The following ARHGAP26 variants were observed in gnomAD, a reference collection of about 807,000 sequenced individuals.
ARHGAP26 encodes Rho GTPase activating protein 26, also known as rho GTPase-activating protein 26.
In ARHGAP26, 38 loss-of-function variants were observed where a neutral mutation model predicts 104.8. The ratio of observed to expected loss-of-function variants is 0.36; its 90% CI spans 0.28 to 0.48. The LOEUF (loss-of-function observed/expected upper bound fraction) is 0.48, where lower values mean the gene tolerates loss of function less well. ARHGAP26 is among the 20% of genes least tolerant of loss of function. The probability of loss-of-function intolerance (pLI) is 0.99; values close to 1 mark genes in which losing one functional copy is unlikely to be tolerated. For synonymous variants in ARHGAP26, 341 were observed against 340.0 expected (o/e 1.00, Z -0.03); for missense variants, 704 against 947.9 (o/e 0.74, Z 3.38).
At chr5:143,066,994 C>T (rs1787586050) in intron 17 of ARHGAP26, among the ~76,000 whole-genome samples, 1 of 151,584 alleles carries the variant, frequency 6.6e-6, no homozygotes, top group Non-Finnish European at 1.5e-5. Flanking sequence ...CCACGTAGGG[C>T]TGATTTCCAT....
intron 11 of ARHGAP26, among the ~76,000 whole-genome samples, chr5:142,985,955 C>A (rs245727): frequency 1.3e-5 from 2 of 151,716 alleles, no homozygotes; most frequent in African/African-American, 4.9e-5. Context: ...TGAATAGTGC[C>A]GCAATAAACA....
intron 11 of ARHGAP26, among the ~76,000 whole-genome samples, chr5:142,996,243 C>T (rs1776367711): frequency 6.6e-6 from 1 of 152,102 alleles, no homozygotes; most frequent in South Asian, 2.1e-4. Flanking sequence ...CCTGTAATCC[C>T]AGCACTTTGA....
At chr5:143,065,449 T>C (rs1787345626) in intron 17 of ARHGAP26, among the ~76,000 whole-genome samples, 1 of 152,206 alleles carries the variant, frequency 6.6e-6, no homozygotes, top group Non-Finnish European at 1.5e-5. Context: ...CTTCTACGTA[T>C]ATGAAGTTAA....
intron 12 of ARHGAP26, among the ~76,000 whole-genome samples, chr5:143,017,887 C>CTT (rs1380409952): frequency 6.6e-6 from 1 of 152,178 alleles, no homozygotes; most frequent in African/African-American, 2.4e-5. Context: ...CAAAGCATTG[C>CTT]TGGACAAAGG....
At chr5:142,792,788 GT>G (rs1760127643) in intron 1 of ARHGAP26, among the ~76,000 whole-genome samples, 2 of 152,146 alleles carry the variant, frequency 1.3e-5, no homozygotes, top group South Asian at 4.1e-4. Flanking sequence ...GCTGGCCTGT[GT>G]TTCCCTGATG....
chr5:143,036,699 T>A (rs1562304228), intron 12 of ARHGAP26, among the ~76,000 whole-genome samples: 1 of 152,216 alleles, frequency 6.6e-6, no homozygotes, highest in Non-Finnish European at 1.5e-5. Context: ...TTACCAAGCC[T>A]CAGTTTCTTC....
intron 12 of ARHGAP26, among the ~76,000 whole-genome samples, chr5:143,022,397 T>C (rs1780478888): frequency 6.6e-6 from 1 of 152,218 alleles, no homozygotes; most frequent in Non-Finnish European, 1.5e-5. Flanking sequence ...ACAAATGTTA[T>C]TGCTTAGCAC....
At chr5:143,113,702 A>C (rs1795051627) in intron 17 of ARHGAP26, among the ~76,000 whole-genome samples, 1 of 152,228 alleles carries the variant, frequency 6.6e-6, no homozygotes, top group Non-Finnish European at 1.5e-5. Flanking sequence ...TGTTTAGTCC[A>C]GTATCACTCC....
At chr5:143,178,103 G>A (rs998946828) in intron 20 of ARHGAP26, among the ~76,000 whole-genome samples, 2 of 139,374 alleles carry the variant, frequency 1.4e-5, no homozygotes, top group Non-Finnish European at 3.0e-5. Context: ...AGGCTCAAAT[G>A]ATTCTCCTGC....
intron 17 of ARHGAP26, among the ~76,000 whole-genome samples, chr5:143,080,013 T>C (rs962152805): frequency 2.6e-5 from 4 of 152,276 alleles, no homozygotes; most frequent in Admixed American, 6.5e-5. Flanking sequence ...TACCTCTGGA[T>C]AGTGGGGGAC....
intron 17 of ARHGAP26, among the ~76,000 whole-genome samples, chr5:143,104,017 T>C (rs1200977585): frequency 6.7e-6 from 1 of 148,584 alleles, no homozygotes; most frequent in African/African-American, 2.5e-5. Flanking sequence ...ACAACATGGA[T>C]AGACCTAGAG....
rs201705773 is a variant in ARHGAP26 at position 142,811,082 on chromosome 5, C to CT, written c.154+40168dup. Reference sequence around the variant, plus strand: ...AGAGGCCCCAGGGAGTGTTCCAGGACTGAGGGAAAGGAGGATTTGTGGCTA... The same window carrying CT: ...AGAGGCCCCAGGGAGTGTTCCAGGACTTGAGGGAAAGGAGGATTTGTGGCTA... On this transcript the variant is annotated intron_variant, in intron 1 of 22. Transcript: ENST00000645722. Among the ~76,000 whole-genome samples, 785 of 152,240 alleles carry CT rather than the reference C, an allele frequency of 5.2e-3. 9 individuals carry two copies. Among genetic ancestry groups the CT allele is most frequent in the African/African-American group, 0.018 (749 of 41,538 alleles).
At chr5:143,066,063 A>G (rs1261329383) in intron 17 of ARHGAP26, among the ~76,000 whole-genome samples, 3 of 152,218 alleles carry the variant, frequency 2.0e-5, no homozygotes, top group African/African-American at 7.2e-5. Flanking sequence ...GTGTCTATCA[A>G]CGATGAACCA....
intron 17 of ARHGAP26, among the ~76,000 whole-genome samples, chr5:143,103,964 G>T (rs946878352): frequency 6.6e-6 from 1 of 150,974 alleles, no homozygotes; most frequent in African/African-American, 2.4e-5. Flanking sequence ...TACACACAAT[G>T]GAATATTATT....
At chr5:143,152,793 G>A (rs746959370) in intron 20 of ARHGAP26, among the ~76,000 whole-genome samples, 1 of 152,162 alleles carries the variant, frequency 6.6e-6, no homozygotes, top group Non-Finnish European at 1.5e-5. Context: ...TAAAGATGAC[G>A]GATTACTGGA....
rs141949572 is a variant in ARHGAP26 at position 143,090,857 on chromosome 5, A to T, written c.1539-30131A>T. Among the ~76,000 whole-genome samples the T allele has an allele frequency of 2.8e-3, 425 of 152,320 alleles. 3 individuals carry two copies. The highest frequency in any genetic ancestry group is 9.8e-3 in the African/African-American group (409 of 41,570). ...CTGGTTGATACTGGGGTCTTTATCG[A>T]AATCTCCCCAGATTAAATGGTCCCA... is the stretch of plus-strand genomic sequence containing the variant. On this transcript the variant is annotated intron_variant, in intron 17 of 22. Coordinates refer to ENST00000645722, the MANE Select transcript of ARHGAP26 (RefSeq NM_001135608.3).
At chr5:143,201,829 T>C (rs1807787431) in intron 20 of ARHGAP26, among the ~76,000 whole-genome samples, 3 of 152,254 alleles carry the variant, frequency 2.0e-5, no homozygotes, top group South Asian at 4.1e-4. Context: ...GTATTGTTGA[T>C]AGGATTATTG....
At chr5:142,807,852 G>A (rs1426233719) in intron 1 of ARHGAP26, among the ~76,000 whole-genome samples, 55 of 152,140 alleles carry the variant, frequency 3.6e-4, no homozygotes, top group Admixed American at 3.6e-3. Context: ...GTTCTTACAG[G>A]CCATATTTTA....
At chr5:143,009,957 A>G (rs1236565635) in intron 11 of ARHGAP26, among the ~76,000 whole-genome samples, 1 of 152,022 alleles carries the variant, frequency 6.6e-6, no homozygotes, top group African/African-American at 2.4e-5. Flanking sequence ...GTATTAAGGT[A>G]GATGCTCTCA....
Sources: allele counts gnomAD v4.1 joint callset (sites outside exome capture counted in the v4.1 genomes callset), GRCh38; gene constraint gnomAD v4.1.1; transcripts MANE v1.5; gene names NCBI Gene and HGNC (gene_info 2026-07-23, HGNC 2026-07-21).